Variants in KIF13B observed in about 807,000 individuals in gnomAD.
The protein encoded by KIF13B is kinesin-like protein KIF13B.
KIF13B carries 127 observed loss-of-function variants against 222.0 expected under a neutral mutation model. The ratio of observed to expected loss-of-function variants is 0.57; its 90% CI spans 0.50 to 0.66. The LOEUF is 0.66. KIF13B is among the 30% of genes least tolerant of loss of function. KIF13B has a pLI of 0.00. For missense variants in KIF13B, 2,173 were observed against 2,379.0 expected (o/e 0.91, Z 1.80); for synonymous variants, 976 against 919.0 (o/e 1.06, Z -1.12).
At position 29,075,304 on chromosome 8, in the gene KIF13B, T is replaced by C. The variant is rs368364212; in HGVS notation, c.4498A>G (p.Ile1500Val). 9.0e-6 allele frequency: 14 copies of C among 1,558,454 alleles called. No individual in the cohort carries two copies. In the Middle Eastern group the frequency reaches 6.7e-4, roughly 75 times the overall value. Residue 1500 changes from isoleucine (I) to valine (V), a missense_variant, in exon 38 of 40, where the codon ATC (isoleucine) becomes GTC (valine). Around this residue, in one of 2 missense-constraint regions of KIF13B, gnomAD observed 693 missense variants for 656.2 expected, o/e 1.06. Transcript: ENST00000524189. ...RIMVQSASPD[I>V]RVTRMEEAQP... is the part of the protein sequence containing the mutation. ...ACCTCCTCCATCCTGGTCACCCTGA[T>C]GTCCGGGCTGGCTGACTGCACCATG...
chr8:29,239,015 G>A (rs903016195), intron 2 of KIF13B, among the ~76,000 whole-genome samples: 1 of 152,148 alleles, frequency 6.6e-6, no homozygotes, highest in South Asian at 2.1e-4. Flanking sequence ...GCCAGCCTGG[G>A]CAACAGAATG....
rs1254019472 is a variant in KIF13B, at chr8:29,124,415, G to C, written c.3253-292C>G. ...ACCTGCAACAAAAATCTTCTAAAAGGTCTCTTTGCTGGATAAAACCGATAA... is the reference window on the plus strand; with the variant it reads ...ACCTGCAACAAAAATCTTCTAAAAGCTCTCTTTGCTGGATAAAACCGATAA... On this transcript the variant is annotated intron_variant, in intron 26 of 39. Transcript: ENST00000524189. Among the ~76,000 whole-genome samples the C allele has an allele frequency of 2.0e-5, 3 of 152,134 alleles. No homozygotes were observed. The East Asian group carries it at 5.8e-4, about 29-fold the overall frequency.
intron 2 of KIF13B, among the ~76,000 whole-genome samples, chr8:29,208,697 T>C (rs561954629): frequency 1.2e-3 from 177 of 152,328 alleles, no homozygotes; most frequent in Middle Eastern, 3.4e-3. Context: ...ACCTTGGTCA[T>C]TGGCCCATGA....
At chr8:29,212,718 T>C (rs950924582) in intron 2 of KIF13B, among the ~76,000 whole-genome samples, 2 of 151,820 alleles carry the variant, frequency 1.3e-5, no homozygotes, top group South Asian at 4.2e-4. Flanking sequence ...AACAGCTGGG[T>C]CATGTGGTAA....
chr8:29,136,078 T>C (rs1810543088), intron 21 of KIF13B, among the ~76,000 whole-genome samples: 1 of 152,238 alleles, frequency 6.6e-6, no homozygotes, highest in Non-Finnish European at 1.5e-5. Context: ...AGCTACTTCC[T>C]GACAGGCTAT....
intron 28 of KIF13B, among the ~76,000 whole-genome samples, 151 bp downstream of exon 28, chr8:29,123,213 CAT>C (rs997096940): frequency 6.6e-6 from 1 of 152,202 alleles, no homozygotes; most frequent in Non-Finnish European, 1.5e-5. Context: ...TTATTCAACT[CAT>C]GAAAATAATT....
At chr8:29,108,334 A>G (rs965997317) in intron 34 of KIF13B, 142 bp from the exon 35 acceptor site, 30 of 676,624 alleles carry the variant, frequency 4.4e-5, no homozygotes, top group Non-Finnish European at 7.1e-5. Context: ...AAGGCTGCAC[A>G]CTAGTGGTCT....
At chr8:29,227,401 T>A (rs1815072228) in intron 2 of KIF13B, among the ~76,000 whole-genome samples, 1 of 152,164 alleles carries the variant, frequency 6.6e-6, no homozygotes. Context: ...GTGATTTTCC[T>A]GCCTCAGCCA....
intron 2 of KIF13B, among the ~76,000 whole-genome samples, chr8:29,196,848 TTTTG>T (rs1450974477): frequency 6.6e-6 from 1 of 152,162 alleles, no homozygotes; most frequent in Non-Finnish European, 1.5e-5. Flanking sequence ...CCAAAGAGCA[TTTTG>T]TTTGAGTGTT....
At chr8:29,228,763 C>A (rs2130573187) in intron 2 of KIF13B, among the ~76,000 whole-genome samples, 1 of 152,002 alleles carries the variant, frequency 6.6e-6, no homozygotes, top group South Asian at 2.1e-4. Context: ...GCAGCAGAAC[C>A]CAGTCAAAGT....
At chr8:29,219,485 C>T (rs1171847391) in intron 2 of KIF13B, 2 of 152,118 alleles carry the variant, frequency 1.3e-5, no homozygotes, top group African/African-American at 2.4e-5. Flanking sequence ...GGGTCAGGCA[C>T]GGTGCCTCAT....
chr8:29,188,693 ATGT>A, intron 4 of KIF13B, 86 bp from the exon 5 acceptor site: 1 of 789,150 alleles, frequency 1.3e-6, no homozygotes, highest in Non-Finnish European at 2.0e-6. Flanking sequence ...AATCTCAAAA[ATGT>A]ATAATCTGCT....
chr8:29,148,638 T>G lies in KIF13B; in HGVS notation c.1752A>C (p.Glu584Asp). The G allele has an allele frequency of 6.2e-7, 1 of 1,612,954 alleles. No individual in the cohort carries two copies. Among genetic ancestry groups the G allele is most frequent in the South Asian group, 1.1e-5 (1 of 90,684 alleles). Residue 584 changes from glutamate to aspartate, a missense_variant, in exon 16 of 40, where the codon GAA becomes GAC. This residue lies in a region of KIF13B where 1,480 missense variants were observed against 1,722.8 expected (regional missense o/e 0.86). Coordinates refer to ENST00000524189, the MANE Select transcript of KIF13B (RefSeq NM_015254.4). ...GTGCGTATTCGTAATTAAAGTTAAC[T>G]TCACTGGACACCTCGCTGGAGGAGT... ...DGDSSSEVSS[E>D]VNFNYEYAQM...
rs925933512 is a variant in KIF13B, at chr8:29,167,663, T to C, written c.946-78A>G. On this transcript the variant is annotated intron_variant, in intron 10 of 39. Coordinates refer to ENST00000524189, the MANE Select transcript of KIF13B (RefSeq NM_015254.4). ...CATATGAGAAACCTGAAATCAAAAATGGTGAACAAATTTCCCCAGGTCAAA... is the reference window on the plus strand; with the variant it reads ...CATATGAGAAACCTGAAATCAAAAACGGTGAACAAATTTCCCCAGGTCAAA... 2.4e-6 allele frequency: 3 copies of C among 1,231,758 alleles called. No individual in the cohort carries two copies. The African/African-American group carries it at 4.5e-5, about 18-fold the overall frequency. The allele number at this position is 1,231,758 out of a possible 1,614,324, so 76.3% of individuals were successfully genotyped here. A position where few individuals can be genotyped will look rare whatever the true frequency, so the allele number is the denominator to read the frequency against.
chr8:29,170,346 C>CACAGAGCTGATTCAGA (rs1215006613), intron 10 of KIF13B, among the ~76,000 whole-genome samples: 1 of 152,216 alleles, frequency 6.6e-6, no homozygotes, highest in East Asian at 1.9e-4. Flanking sequence ...TTTCAAAGGT[C>CACAGAGCTGATTCAGA]ACAGAGCTGA....
At position 29,179,300 on chromosome 8, in the gene KIF13B, T is replaced by G. The variant is rs79124425; in HGVS notation, c.720+804A>C. Among the ~76,000 whole-genome samples the G allele has an allele frequency of 4.5e-3, 692 of 152,204 alleles. 4 individuals are homozygous for G. Among genetic ancestry groups the G allele is most frequent in the African/African-American group, 0.016 (655 of 41,526 alleles). On this transcript the variant is annotated intron_variant, in intron 8 of 39. Coordinates refer to ENST00000524189, the MANE Select transcript of KIF13B (RefSeq NM_015254.4). ...ACCTTGCTAATTTTCAAATATTCTG[T>G]AGAAATGGAGTCTCATTATGTTACC...
At chr8:29,130,494 C>A (rs574734571) in intron 24 of KIF13B, 39 bp downstream of exon 24, 1 of 1,608,512 alleles carries the variant, frequency 6.2e-7, no homozygotes, top group Admixed American at 1.7e-5. Flanking sequence ...AGCTTTCTGG[C>A]ACCAAAGAAT....
rs935203783 is a variant in KIF13B at position 29,071,161 on chromosome 8, G to A, written c.5219-395C>T. 6.6e-6 allele frequency among the ~76,000 whole-genome samples: 1 copy of A among 152,336 alleles called. No homozygotes were observed. Reference sequence around the variant, plus strand: ...GGACCCAGGCCTGGGCTGGGTGGCGGGAGAATGGTTCTTTTGCTGAATCTA... The same window carrying A: ...GGACCCAGGCCTGGGCTGGGTGGCGAGAGAATGGTTCTTTTGCTGAATCTA... On this transcript the variant is annotated intron_variant, in intron 39 of 39. Transcript: ENST00000524189. This position sits in a 1 kb window ranked among gnomAD's most constrained non-coding sequence, Gnocchi z 4.9.
In KIF13B at chr8:29,181,926, C is replaced by T; in HGVS notation, c.578G>A (p.Ser193Asn). The T allele has an allele frequency of 6.2e-7, 1 of 1,612,604 alleles. No individual in the cohort carries two copies. The highest frequency in any genetic ancestry group is 8.5e-7 in the Non-Finnish European group (1 of 1,178,868). The change falls in exon 7 of 40, where the codon AGC becomes AAC. Residue 193 changes from serine to asparagine, a missense_variant. Coordinates refer to ENST00000524189, the MANE Select transcript of KIF13B (RefSeq NM_015254.4). ...VDGLSKLAVTSYKDIESLMSE... is the reference protein window; with the variant it reads ...VDGLSKLAVTNYKDIESLMSE... Reference sequence around the variant, plus strand: ...CATACAGGATGTTGTTACCTTGTAGCTTGTGACAGCCAGTTTAGAAAGTCC... The same window carrying T: ...CATACAGGATGTTGTTACCTTGTAGTTTGTGACAGCCAGTTTAGAAAGTCC...
Sources: gnomAD v4.1 joint callset for allele counts (sites outside exome capture counted in the v4.1 genomes callset) on GRCh38, gnomAD v4.1.1 for gene constraint, gnomAD v4.1.1 regional missense constraint, Gnocchi (gnomAD v3.1) non-coding constraint, MANE v1.5 for transcripts, NCBI Gene and HGNC (gene_info 2026-07-23, HGNC 2026-07-21) for gene names.